PATJ: variants seen among roughly 807,000 people sequenced by gnomAD.
PATJ encodes PATJ crumbs cell polarity complex component, also known as inaD-like protein.
Under a neutral mutation model 224.9 loss-of-function variants are expected in PATJ, and 190 were observed. That is an observed-to-expected ratio of 0.84 (90% confidence interval 0.75 to 0.95). PATJ has a LOEUF of 0.95. Ranked by LOEUF, PATJ falls within the 40% of genes least tolerant of loss-of-function variation. The probability of loss-of-function intolerance (pLI) is 0.00; values close to 1 mark genes in which losing one functional copy is unlikely to be tolerated. For synonymous variants in PATJ, 769 were observed against 820.3 expected (o/e 0.94, Z 1.07); for missense variants, 2,121 against 2,270.3 (o/e 0.93, Z 1.34).
At chr1:61,958,906 G>C (rs1680820750) in intron 27 of PATJ, among the ~76,000 whole-genome samples, 1 of 152,094 alleles carries the variant, frequency 6.6e-6, no homozygotes, top group Non-Finnish European at 1.5e-5. Context: ...TGTTTTGTTA[G>C]GGCAGATAAA....
chr1:61,811,022 T>A (rs942909445), intron 14 of PATJ, among the ~76,000 whole-genome samples: 2 of 152,210 alleles, frequency 1.3e-5, no homozygotes, highest in African/African-American at 4.8e-5. Flanking sequence ...GAGTTCAAAT[T>A]CTGGCTTATG....
At chr1:61,905,350 C>G (rs1280565369) in intron 24 of PATJ, among the ~76,000 whole-genome samples, 2 of 152,208 alleles carry the variant, frequency 1.3e-5, no homozygotes, top group Non-Finnish European at 2.9e-5. Context: ...ATGACCTAAT[C>G]ACTTTGTAAA....
intron 7 of PATJ, among the ~76,000 whole-genome samples, chr1:61,784,817 A>G (rs1437484572): frequency 1.3e-5 from 2 of 152,198 alleles, no homozygotes; most frequent in Admixed American, 1.3e-4. Flanking sequence ...AGAATATCAG[A>G]TTATCACTAT....
At chr1:61,827,343 G>A (rs1570742535) in intron 15 of PATJ, 79 bp from the exon 16 acceptor site, 1 of 1,233,424 alleles carries the variant, frequency 8.1e-7, no homozygotes, top group Non-Finnish European at 1.1e-6. Flanking sequence ...TTTCATTTTG[G>A]TAGATGGATA....
intron 28 of PATJ, among the ~76,000 whole-genome samples, chr1:62,001,820 G>A (rs991795680): frequency 6.6e-6 from 1 of 152,082 alleles, no homozygotes; most frequent in Non-Finnish European, 1.5e-5. Flanking sequence ...CCATGAGCAT[G>A]GAATGTTCTT....
At position 61,885,329 on chromosome 1, in the gene PATJ, C is replaced by G. The variant is rs545778372; in HGVS notation, c.3131+921C>G. Reference sequence around the variant, plus strand: ...TCTACAATGAACTCAAACAAATTTACAAGAAAAACACAAACAACCCCATCA... The same window carrying G: ...TCTACAATGAACTCAAACAAATTTAGAAGAAAAACACAAACAACCCCATCA... On this transcript the variant is annotated intron_variant, in intron 22 of 43. Coordinates refer to ENST00000642238, the MANE Select transcript of PATJ (RefSeq NM_001350145.3). 3.3e-5 allele frequency among the ~76,000 whole-genome samples: 5 copies of G among 152,256 alleles called. No individual in the cohort carries two copies. The South Asian group carries it at 1.0e-3, about 32-fold the overall frequency.
intron 14 of PATJ, among the ~76,000 whole-genome samples, chr1:61,809,851 C>CTTT (rs34929042): frequency 2.9e-5 from 4 of 138,956 alleles, no homozygotes; most frequent in Non-Finnish European, 3.1e-5. Flanking sequence ...TCTTTTCTTT[C>CTTT]TTTTTTTTTT....
At chr1:61,771,393 T>G in intron 5 of PATJ, 38 bp from the exon 6 acceptor site, 1 of 1,355,184 alleles carries the variant, frequency 7.4e-7, no homozygotes, top group South Asian at 1.5e-5. Context: ...ATCAGGTTAT[T>G]AGATCACTTA....
At chr1:62,135,515 C>CAA (rs4019805) in intron 41 of PATJ, among the ~76,000 whole-genome samples, 8 of 83,744 alleles carry the variant, frequency 9.6e-5, no homozygotes, top group Non-Finnish European at 1.8e-4. Flanking sequence ...GACTCCGTCT[C>CAA]AAAAAAAAAA....
intron 20 of PATJ, among the ~76,000 whole-genome samples, chr1:61,873,173 A>ATTAT (rs1312937708): frequency 2.0e-5 from 3 of 152,062 alleles, no homozygotes; most frequent in Non-Finnish European, 4.4e-5. Flanking sequence ...TCTTATTTTT[A>ATTAT]TTATTTATTT....
chr1:62,012,049 A>G (rs532132789), intron 28 of PATJ, among the ~76,000 whole-genome samples: 87 of 152,180 alleles, frequency 5.7e-4, no homozygotes, highest in Non-Finnish European at 9.6e-4. Context: ...CAAGCAAAAA[A>G]CAAAATATAG....
chr1:61,789,496 T>C (rs1432040247), intron 8 of PATJ, among the ~76,000 whole-genome samples: 1 of 151,934 alleles, frequency 6.6e-6, no homozygotes. Flanking sequence ...GGAAGTTTTC[T>C]ATTTGAAATA....
intron 14 of PATJ, among the ~76,000 whole-genome samples, chr1:61,810,266 A>T (rs1654446614): frequency 6.6e-6 from 1 of 152,150 alleles, no homozygotes; most frequent in South Asian, 2.1e-4. Context: ...CTTTCCTCAG[A>T]TGTACAAAAT....
intron 10 of PATJ, 36 bp downstream of exon 10, chr1:61,795,594 G>C (rs191300219): frequency 1.3e-4 from 169 of 1,290,684 alleles, no homozygotes; most frequent in Admixed American, 3.0e-4. Flanking sequence ...TTTGATTCTA[G>C]TTGAAAAAAA....
At chr1:61,748,822 A>T (rs1319316595) in intron 1 of PATJ, among the ~76,000 whole-genome samples, 2 of 151,942 alleles carry the variant, frequency 1.3e-5, no homozygotes, top group African/African-American at 4.8e-5. Flanking sequence ...ACGCTCAGCT[A>T]GTTTTTGTTT....
At chr1:61,918,622 C>T (rs1673808984) in intron 26 of PATJ, among the ~76,000 whole-genome samples, 1 of 151,920 alleles carries the variant, frequency 6.6e-6, no homozygotes, top group Admixed American at 6.6e-5. Flanking sequence ...TTTCTCTTAA[C>T]TTTAATCATC....
At chr1:62,076,355 AAC>A (rs962096645) in intron 31 of PATJ, among the ~76,000 whole-genome samples, 1 of 131,626 alleles carries the variant, frequency 7.6e-6, no homozygotes, top group Non-Finnish European at 1.8e-5. Context: ...CCTATTATGA[AAC>A]AGGGTTGAAA....
intron 15 of PATJ, among the ~76,000 whole-genome samples, chr1:61,827,067 C>T (rs1399076793): frequency 6.6e-6 from 1 of 151,968 alleles, no homozygotes; most frequent in Non-Finnish European, 1.5e-5. Flanking sequence ...TTAAGGGGAG[C>T]TGAGTAGAGG....
chr1:61,827,995 C>T (rs1271530981), intron 16 of PATJ, among the ~76,000 whole-genome samples: 3 of 152,048 alleles, frequency 2.0e-5, no homozygotes, highest in Non-Finnish European at 4.4e-5. Context: ...ACCTGTAATC[C>T]CAGCACTTTG....
Sources: gnomAD v4.1 joint callset for allele counts (sites outside exome capture counted in the v4.1 genomes callset) on GRCh38, gnomAD v4.1.1 for gene constraint, MANE v1.5 for transcripts, NCBI Gene and HGNC (gene_info 2026-07-23, HGNC 2026-07-21) for gene names.